MLN: variants seen among roughly 807,000 people sequenced by gnomAD.
The protein encoded by MLN is promotilin.
Under a neutral mutation model 13.3 loss-of-function variants are expected in MLN, and 14 were observed. The ratio of observed to expected loss-of-function variants is 1.05; its 90% CI spans 0.69 to 1.64. MLN has a LOEUF of 1.64. Among genes scored for constraint, MLN ranks in the 40% most tolerant of loss-of-function variants. The pLI is 0.00. For missense variants in MLN, 122 were observed against 142.9 expected, an observed-to-expected ratio of 0.85 and a Z score of 0.75; for synonymous variants, 59 against 54.7, an observed-to-expected ratio of 1.08 and a Z score of -0.34.
rs1201281716 is a variant in MLN at position 33,803,334 on chromosome 6, G to A, written c.-8+619C>T. On this transcript the variant is annotated intron_variant, in intron 1 of 4. Transcript: ENST00000430124. The surrounding 1 kb of genome is among the most constrained non-coding windows in gnomAD (Gnocchi z 4.5). Reference sequence around the variant, plus strand: ...TTTTTTTTTTTTTTTCTGAGATGGAGTCTCGCTCTGTCTCCCAGGCTAGAG... The same window carrying A: ...TTTTTTTTTTTTTTTCTGAGATGGAATCTCGCTCTGTCTCCCAGGCTAGAG... Among the ~76,000 whole-genome samples, 1 of 146,610 alleles carries A rather than the reference G, an allele frequency of 6.8e-6. No homozygotes were observed. Among genetic ancestry groups the A allele is most frequent in the African/African-American group, 2.5e-5 (1 of 39,624 alleles).
chr6:33,802,061 G>A (rs1760845304), intron 1 of MLN, among the ~76,000 whole-genome samples: 1 of 152,134 alleles, frequency 6.6e-6, no homozygotes, highest in Non-Finnish European at 1.5e-5. Context: ...GGTGGTCCTG[G>A]GGTGGGGGTG....
At chr6:33,802,923 A>C (rs1760879591) in intron 1 of MLN, among the ~76,000 whole-genome samples, 2 of 152,116 alleles carry the variant, frequency 1.3e-5, no homozygotes, top group South Asian at 4.1e-4. Context: ...ATGGCATCCC[A>C]TTTCCTTCAC....
intron 1 of MLN, 42 bp from the exon 2 acceptor site, chr6:33,801,212 C>T (rs1768041259): frequency 6.9e-7 from 1 of 1,440,842 alleles, no homozygotes; most frequent in South Asian, 1.2e-5. Flanking sequence ...GTTTGGGGTA[C>T]AGTGGCAGAC....
intron 3 of MLN, among the ~76,000 whole-genome samples, chr6:33,798,633 G>A (rs904116296): frequency 7.2e-5 from 11 of 152,202 alleles, no homozygotes; most frequent in African/African-American, 2.7e-4. Flanking sequence ...GCTGCATGCA[G>A]GCCCTGCCTG....
rs1582271058 is a variant in MLN at position 33,794,704 on chromosome 6, A to T, written c.*121T>A. The T allele has an allele frequency of 3.8e-6, 4 of 1,060,128 alleles. No homozygotes were observed. In the East Asian group the frequency reaches 7.8e-5, roughly 21 times the overall value. The allele number at this position is 1,060,128 out of a possible 1,614,324, so 65.7% of individuals were successfully genotyped here. ...TTTCATGCTTTATTTGCTGGAGGGG[A>T]ATTTGCTTTGGAAAGGGTGTTTTCC... On this transcript the variant is annotated 3_prime_UTR_variant, in exon 5 of 5. Transcript: ENST00000430124.
At chr6:33,801,014 T>C in intron 2 of MLN, 33 bp downstream of exon 2, 1 of 1,520,466 alleles carries the variant, frequency 6.6e-7, no homozygotes, top group African/African-American at 1.4e-5. Flanking sequence ...GACCTCAGCC[T>C]TGCTAGCAGG....
chr6:33,801,189 C>T lies in MLN; in HGVS notation c.-7-19G>A. On this transcript the variant is annotated intron_variant, in intron 1 of 4. Coordinates refer to ENST00000430124, the MANE Select transcript of MLN (RefSeq NM_002418.3). ...CTTGGAGCTGGACAATGACAAGGAG[C>T]TCTTGTCACTAAGTTTGGGGTACAG... 2 of 1,572,696 alleles carry T rather than the reference C, an allele frequency of 1.3e-6. No homozygotes were observed. Among genetic ancestry groups the T allele is most frequent in the Non-Finnish European group, 1.8e-6 (2 of 1,142,772 alleles).
chr6:33,800,923 C>CTCT, intron 2 of MLN, 124 bp downstream of exon 2: 1 of 742,008 alleles, frequency 1.3e-6, no homozygotes, highest in South Asian at 1.6e-5. Flanking sequence ...TGAAGGTGGC[C>CTCT]AGAGAGGTGG....
intron 3 of MLN, among the ~76,000 whole-genome samples, chr6:33,796,105 G>A (rs1767917681): frequency 6.6e-6 from 1 of 151,984 alleles, no homozygotes; most frequent in South Asian, 2.1e-4. Flanking sequence ...GACTACAGGC[G>A]CCCGCTACCA....
intron 4 of MLN, 36 bp downstream of exon 4, chr6:33,795,467 C>A (rs2127386708): frequency 1.3e-6 from 2 of 1,518,044 alleles, no homozygotes; most frequent in Non-Finnish European, 1.8e-6. Context: ...TGGGCGGAGG[C>A]CGGCCAAGCC....
Position 33,799,301 on chromosome 6 carries a change from C to A in MLN, c.118-80G>T. The A allele has an allele frequency of 9.9e-7, 1 of 1,009,578 alleles. No homozygotes were observed. Among genetic ancestry groups the A allele is most frequent in the Non-Finnish European group, 1.5e-6 (1 of 653,246 alleles). The allele number at this position is 1,009,578 out of a possible 1,614,324, so 62.5% of individuals were successfully genotyped here. ...GGCCCCTTGCCTGTCTCCATCTGCC[C>A]AGGGTGCTGTCTGCCCTGAGCTCCC... On this transcript the variant is annotated intron_variant, in intron 2 of 4. Transcript: ENST00000430124. This position sits in a 1 kb window ranked among gnomAD's most constrained non-coding sequence, Gnocchi z 4.6.
At chr6:33,795,089 T>C (rs1206943381) in intron 4 of MLN, among the ~76,000 whole-genome samples, 3 of 152,206 alleles carry the variant, frequency 2.0e-5, no homozygotes. Context: ...AAGTAATTAG[T>C]GGCTGTTTGT....
intron 1 of MLN, among the ~76,000 whole-genome samples, chr6:33,802,333 G>C (rs1322100845): frequency 1.3e-5 from 2 of 152,156 alleles, no homozygotes; most frequent in Non-Finnish European, 2.9e-5. Flanking sequence ...CAGCAGTAGG[G>C]GTAGGGGTGG....
intron 4 of MLN, 104 bp from the exon 5 acceptor site, chr6:33,794,939 G>T: frequency 6.9e-7 from 1 of 1,443,156 alleles, no homozygotes; most frequent in Non-Finnish European, 9.6e-7. Flanking sequence ...GGGCACAAGG[G>T]CAGGCTGGGC....
intron 3 of MLN, among the ~76,000 whole-genome samples, chr6:33,796,052 C>T (rs1348244710): frequency 4.0e-5 from 6 of 151,556 alleles, no homozygotes; most frequent in East Asian, 1.9e-4. Context: ...CTCCGCCTCC[C>T]GGGTTCACGC....
chr6:33,799,118 T>G lies in MLN; in HGVS notation c.221A>C (p.Asn74Thr). ...DPAEPIREEE[N>T]EMIKLTAPLE... Reference sequence around the variant, plus strand: ...TTGTCTGCTCACCTTGATCATTTCGTTTTCTTCTTCCCTGATGGGCTCCGC... The same window carrying G: ...TTGTCTGCTCACCTTGATCATTTCGGTTTCTTCTTCCCTGATGGGCTCCGC... Residue 74 changes from asparagine (N) to threonine (T), a missense_variant, in exon 3 of 5, where the codon AAC becomes ACC. Asn to Thr is a moderately conservative substitution (Grantham distance 65). Coordinates refer to ENST00000430124, the MANE Select transcript of MLN (RefSeq NM_002418.3). The surrounding 1 kb of genome is among the most constrained non-coding windows in gnomAD (Gnocchi z 4.6). The G allele has an allele frequency of 6.2e-7, 1 of 1,607,158 alleles. No homozygotes were observed. Among genetic ancestry groups the G allele is most frequent in the Non-Finnish European group, 8.5e-7 (1 of 1,174,442 alleles).
chr6:33,799,949 C>T lies in MLN; in HGVS notation c.118-728G>A, dbSNP rs1384727903. ...ACTCTGCTGTTGGCCTGCCCTGAGA[C>T]GTGGTGATTCTAGAACAAACAGTCA... On this transcript the variant is annotated intron_variant, in intron 2 of 4. Transcript: ENST00000430124. This position sits in a 1 kb window ranked among gnomAD's most constrained non-coding sequence, Gnocchi z 4.6. Among the ~76,000 whole-genome samples the T allele has an allele frequency of 4.6e-5, 7 of 152,154 alleles. No homozygotes were observed. The highest frequency in any genetic ancestry group is 1.2e-4 in the African/African-American group (5 of 41,416).
At chr6:33,800,489 T>C (rs1472421884) in intron 2 of MLN, among the ~76,000 whole-genome samples, 1 of 152,198 alleles carries the variant, frequency 6.6e-6, no homozygotes, top group African/African-American at 2.4e-5. Flanking sequence ...CTGGCTCCCA[T>C]TGGTCCCTCG....
chr6:33,802,787 G>A (rs1201376370), intron 1 of MLN, among the ~76,000 whole-genome samples: 2 of 152,126 alleles, frequency 1.3e-5, no homozygotes, highest in African/African-American at 4.8e-5. Context: ...AGGAGCTTGA[G>A]CTGAACGGAG....
Sources: gnomAD v4.1 joint callset for allele counts (sites outside exome capture counted in the v4.1 genomes callset) on GRCh38, gnomAD v4.1.1 for gene constraint, Gnocchi (gnomAD v3.1) non-coding constraint, MANE v1.5 for transcripts, NCBI Gene and HGNC (gene_info 2026-07-23, HGNC 2026-07-21) for gene names.